GRID1: variants seen among roughly 807,000 people sequenced by gnomAD.
GRID1 encodes the protein glutamate ionotropic receptor delta type subunit 1, also known as glutamate receptor ionotropic, delta-1.
In GRID1, 28 loss-of-function variants were observed where a neutral mutation model predicts 98.0. The ratio of observed to expected loss-of-function variants is 0.29; its 90% CI spans 0.21 to 0.39. The LOEUF (loss-of-function observed/expected upper bound fraction) is 0.39, where lower values mean the gene tolerates loss of function less well. Ranked by LOEUF, GRID1 falls within the 10% of genes least tolerant of loss-of-function variation. The probability of loss-of-function intolerance (pLI) is 1.00; values close to 1 mark genes in which losing one functional copy is unlikely to be tolerated. For missense variants in GRID1, 1,111 were observed against 1,340.5 expected (o/e 0.83, Z 2.67); for synonymous variants, 553 against 538.5 (o/e 1.03, Z -0.37).
Position 86,138,894 on chromosome 10 carries a change from C to T in GRID1, c.651G>A (p.Leu217=). 1 of 1,614,220 alleles carries T rather than the reference C, an allele frequency of 6.2e-7. No individual in the cohort carries two copies. The highest frequency in any genetic ancestry group is 8.5e-7 in the Non-Finnish European group (1 of 1,180,024). ...SLFTTMKTEE[L]NRYRDTLRRA... ...GGCGAAGCGTGTCCCGGTAGCGATT[C>T]AGCTCCTCTGTCTTCATCGTGGTGA... Residue 217 remains leucine, a synonymous_variant, in exon 4 of 16, where the codon CTG becomes CTA. Transcript: ENST00000327946.
chr10:86,201,408 C>T (rs1845948616), intron 3 of GRID1, among the ~76,000 whole-genome samples: 1 of 152,110 alleles, frequency 6.6e-6, no homozygotes, highest in South Asian at 2.1e-4. Context: ...AGCCACTATC[C>T]TGAGCCAACT....
chr10:85,621,347 G>C (rs1041618943), intron 13 of GRID1, among the ~76,000 whole-genome samples: 2 of 152,148 alleles, frequency 1.3e-5, no homozygotes, highest in African/African-American at 2.4e-5. Flanking sequence ...TCTTGGCATT[G>C]TTGAGGACAT....
intron 12 of GRID1, among the ~76,000 whole-genome samples, chr10:85,659,335 T>C (rs928868398): frequency 6.6e-6 from 1 of 152,208 alleles, no homozygotes; most frequent in Non-Finnish European, 1.5e-5. Flanking sequence ...CCATTTGCTA[T>C]GACTAACTTT....
At chr10:85,725,101 A>G (rs1307436914) in intron 10 of GRID1, among the ~76,000 whole-genome samples, 1 of 151,880 alleles carries the variant, frequency 6.6e-6, no homozygotes, top group Non-Finnish European at 1.5e-5. Flanking sequence ...CCAGAGGCAC[A>G]CTCCATTTCT....
intron 4 of GRID1, among the ~76,000 whole-genome samples, chr10:86,083,707 GAAT>G (rs1292605571): frequency 6.6e-6 from 1 of 152,196 alleles, no homozygotes; most frequent in Non-Finnish European, 1.5e-5. Flanking sequence ...CTAGGAAGAA[GAAT>G]GATAAATCTG....
intron 4 of GRID1, among the ~76,000 whole-genome samples, chr10:85,997,184 A>C (rs1842749211): frequency 6.6e-6 from 1 of 152,132 alleles, no homozygotes; most frequent in South Asian, 2.1e-4. Context: ...GGTTGATCAC[A>C]AAGTCAGGAG....
At chr10:86,043,627 C>A (rs1432771852) in intron 4 of GRID1, among the ~76,000 whole-genome samples, 1 of 152,246 alleles carries the variant, frequency 6.6e-6, no homozygotes, top group Non-Finnish European at 1.5e-5. Flanking sequence ...GAGCTTCAAT[C>A]TGATCTCTGG....
intron 4 of GRID1, among the ~76,000 whole-genome samples, chr10:86,126,497 G>A (rs1844755944): frequency 1.3e-5 from 2 of 152,124 alleles, no homozygotes; most frequent in South Asian, 4.1e-4. Flanking sequence ...GAACTCCTAG[G>A]ACCACTGTGC....
chr10:86,236,293 T>C (rs1388586835), intron 2 of GRID1, among the ~76,000 whole-genome samples: 3 of 152,260 alleles, frequency 2.0e-5, no homozygotes, highest in Admixed American at 6.5e-5. Flanking sequence ...AAATTCATTA[T>C]AAAATATGTG....
intron 8 of GRID1, among the ~76,000 whole-genome samples, chr10:85,747,888 T>C (rs1420833599): frequency 6.6e-6 from 1 of 152,210 alleles, no homozygotes; most frequent in Non-Finnish European, 1.5e-5. Flanking sequence ...GTACTTGCTT[T>C]CAGTACCAGT....
At chr10:86,025,597 C>T (rs1163741595) in intron 4 of GRID1, among the ~76,000 whole-genome samples, 2 of 152,184 alleles carry the variant, frequency 1.3e-5, no homozygotes, top group African/African-American at 4.8e-5. Context: ...ATTATCTCCT[C>T]GGTTTACAAA....
intron 2 of GRID1, among the ~76,000 whole-genome samples, chr10:86,230,371 G>A (rs1370747436): frequency 6.6e-6 from 1 of 152,214 alleles, no homozygotes; most frequent in Non-Finnish European, 1.5e-5. Flanking sequence ...CTCCAGTGGG[G>A]ACAACACCAC....
rs574143435 is a variant in GRID1, at chr10:85,771,252, C to T, written c.1234-41638G>A. Among the ~76,000 whole-genome samples the T allele has an allele frequency of 2.4e-3, 364 of 152,272 alleles. 2 individuals are homozygous for T. The highest frequency in any genetic ancestry group is 8.3e-3 in the African/African-American group (343 of 41,546). On this transcript the variant is annotated intron_variant, in intron 8 of 15. Transcript: ENST00000327946. The stretch of plus-strand genomic sequence containing the variant: ...TCATAAGTGAAGGAGAAATAAAATA[C>T]TTTACAGACAAGCAAATGCTGAGAG...
At chr10:85,736,783 C>T (rs148610894) in intron 8 of GRID1, among the ~76,000 whole-genome samples, 221 of 152,210 alleles carry the variant, frequency 1.5e-3, no homozygotes, top group African/African-American at 5.0e-3. Flanking sequence ...TTTGGACATT[C>T]GGCCAGCACT....
chr10:86,039,322 C>T (rs991333634), intron 4 of GRID1, among the ~76,000 whole-genome samples: 6 of 152,122 alleles, frequency 3.9e-5, no homozygotes, highest in African/African-American at 1.4e-4. Flanking sequence ...CTTAAAATTC[C>T]CTTTTGGTAC....
At chr10:86,069,902 T>C (rs1843779022) in intron 4 of GRID1, among the ~76,000 whole-genome samples, 1 of 152,050 alleles carries the variant, frequency 6.6e-6, no homozygotes, top group Non-Finnish European at 1.5e-5. Flanking sequence ...GAGTGGTGCA[T>C]GGGTGAGGGG....
chr10:86,077,279 C>T (rs1350217361), intron 4 of GRID1, among the ~76,000 whole-genome samples: 2 of 152,152 alleles, frequency 1.3e-5, no homozygotes, highest in Non-Finnish European at 2.9e-5. Context: ...CACACTTGCT[C>T]CAAATCACCT....
chr10:86,328,883 C>T (rs997730005), intron 2 of GRID1, among the ~76,000 whole-genome samples: 2 of 152,226 alleles, frequency 1.3e-5, no homozygotes, highest in South Asian at 2.1e-4. Flanking sequence ...CCAGGACCCC[C>T]GGGTCACCCC....
intron 12 of GRID1, among the ~76,000 whole-genome samples, chr10:85,710,258 T>G (rs755143921): frequency 1.3e-5 from 2 of 152,154 alleles, no homozygotes; most frequent in Non-Finnish European, 2.9e-5. Context: ...AATGTAGTAT[T>G]GGTAGGAAGA....
Sources: gnomAD v4.1 joint callset for allele counts (sites outside exome capture counted in the v4.1 genomes callset) on GRCh38, gnomAD v4.1.1 for gene constraint, MANE v1.5 for transcripts, NCBI Gene and HGNC (gene_info 2026-07-23, HGNC 2026-07-21) for gene names.